The following SLC35F5 variants were observed in gnomAD, a reference collection of about 807,000 sequenced individuals.
SLC35F5 encodes the protein solute carrier family 35 member F5.
In SLC35F5, 54 loss-of-function variants were observed where a neutral mutation model predicts 68.6. That is an observed-to-expected ratio of 0.79 (90% CI 0.63 to 0.99). The LOEUF (loss-of-function observed/expected upper bound fraction) is 0.99. SLC35F5 is among the 50% of genes least tolerant of loss of function. The probability of loss-of-function intolerance (pLI) is 0.00; values close to 1 mark genes in which losing one functional copy is unlikely to be tolerated. For synonymous variants in SLC35F5, 211 were observed against 205.2 expected (o/e 1.03, Z -0.24); for missense variants, 567 against 626.9 (o/e 0.90, Z 1.02).
intron 13 of SLC35F5, among the ~76,000 whole-genome samples, chr2:113,722,388 T>TACACACAC (rs35537697): frequency 5.3e-5 from 8 of 150,796 alleles, no homozygotes; most frequent in Non-Finnish European, 1.2e-4. Flanking sequence ...CACACATACA[T>TACACACAC]ACACACACAC....
chr2:113,756,170 C>T (rs947144716), intron 1 of SLC35F5, 200 bp downstream of exon 1: 10 of 1,457,856 alleles, frequency 6.9e-6, no homozygotes, highest in African/African-American at 2.8e-5. Context: ...CGAGGGCGCA[C>T]GCACGGCTTC....
intron 11 of SLC35F5, among the ~76,000 whole-genome samples, chr2:113,728,118 T>C (rs961028175): frequency 1.3e-5 from 2 of 151,730 alleles, no homozygotes; most frequent in Non-Finnish European, 2.9e-5. Context: ...CAGCCTCTCA[T>C]GCAGCTGGGA....
intron 12 of SLC35F5, among the ~76,000 whole-genome samples, chr2:113,724,690 G>C (rs1230896807): frequency 6.6e-6 from 1 of 151,948 alleles, no homozygotes; most frequent in Non-Finnish European, 1.5e-5. Flanking sequence ...TATTCACTTA[G>C]GTTTTATTCA....
chr2:113,740,760 G>A (rs1160471949), intron 7 of SLC35F5, among the ~76,000 whole-genome samples: 1 of 152,114 alleles, frequency 6.6e-6, no homozygotes, highest in Non-Finnish European at 1.5e-5. Context: ...CTGAGTAGCT[G>A]AGACTACAGG....
chr2:113,734,822 A>G (rs1688025910), intron 8 of SLC35F5, 149 bp from the exon 9 acceptor site: 1 of 600,796 alleles, frequency 1.7e-6, no homozygotes, highest in African/African-American at 1.9e-5. Context: ...ACTGCAGTTA[A>G]GTAATGACTA....
intron 14 of SLC35F5, among the ~76,000 whole-genome samples, chr2:113,718,917 GAAAGAAAGAAAAAGAAAGGAAGA>G (rs1687304056): frequency 2.6e-5 from 2 of 75,482 alleles, no homozygotes; most frequent in Non-Finnish European, 7.0e-5. Flanking sequence ...AAGAAAGAAA[GAAAGAAAGAAAAAGAAAGGAAGA>G]AAGGAAGGAA....
intron 4 of SLC35F5, among the ~76,000 whole-genome samples, chr2:113,746,617 C>G (rs1275545596): frequency 6.6e-6 from 1 of 152,042 alleles, no homozygotes; most frequent in Non-Finnish European, 1.5e-5. Context: ...ATGCCCTTTT[C>G]GGAACACTAC....
chr2:113,755,683 C>A, intron 1 of SLC35F5, 139 bp from the exon 2 acceptor site: 2 of 1,051,160 alleles, frequency 1.9e-6, no homozygotes, highest in South Asian at 1.4e-5. Context: ...TACTTGCCAC[C>A]TTTCTCAGTA....
chr2:113,755,888 G>T, intron 1 of SLC35F5: 1 of 1,550,638 alleles, frequency 6.4e-7, no homozygotes. Flanking sequence ...CCTGGGGACA[G>T]CGTCTAGACA....
At chr2:113,726,564 G>C (rs1559330283) in intron 11 of SLC35F5, among the ~76,000 whole-genome samples, 1 of 152,022 alleles carries the variant, frequency 6.6e-6, no homozygotes, top group Non-Finnish European at 1.5e-5. Flanking sequence ...CAGTCATTAG[G>C]ATGCCTAGTT....
chr2:113,755,203 C>CA lies in SLC35F5; in HGVS notation c.234dup (p.Val79CysfsTer2). On this transcript the variant is annotated frameshift_variant, in exon 3 of 16. Coordinates refer to ENST00000245680, the MANE Select transcript of SLC35F5 (RefSeq NM_025181.5). LOFTEE classifies it high-confidence loss of function. ...GAGGAAGCAACCCATATCACATCAA[C>CA]AAGCAGAAGAATAACAATCCCAAGA... is the stretch of plus-strand genomic sequence containing the variant. 6.2e-7 allele frequency: 1 copy of CA among 1,614,026 alleles called. No individual in the cohort carries two copies. The highest frequency in any genetic ancestry group is 8.5e-7 in the Non-Finnish European group (1 of 1,180,014).
chr2:113,724,210 G>A lies in SLC35F5; in HGVS notation c.1251-1016C>T, dbSNP rs538620938. On this transcript the variant is annotated intron_variant, in intron 12 of 15. Transcript: ENST00000245680. ...GCATTCGGGGTCAAATACAGCATAT[G>A]TTCTTGGATGTTTATCATGCAGAGT... Among the ~76,000 whole-genome samples the A allele has an allele frequency of 3.9e-4, 60 of 152,304 alleles. 1 individual carries two copies. The highest frequency in any genetic ancestry group is 1.4e-3 in the African/African-American group (58 of 41,580).
At chr2:113,733,475 T>C in intron 9 of SLC35F5, 1 of 267,392 alleles carries the variant, frequency 3.7e-6, no homozygotes. Context: ...AAAACCTCAT[T>C]TACTTCTCCA....
chr2:113,716,435 A>G (rs1687187497), intron 15 of SLC35F5, among the ~76,000 whole-genome samples: 1 of 152,218 alleles, frequency 6.6e-6, no homozygotes, highest in Non-Finnish European at 1.5e-5. Context: ...TTTTTTAGTG[A>G]CAACAATATA....
downstream of SLC35F5, among the ~76,000 whole-genome samples, chr2:113,702,907 G>A (rs557678330): frequency 3.3e-5 from 5 of 152,176 alleles, no homozygotes; most frequent in South Asian, 2.1e-4. Context: ...CCAGGAGTTC[G>A]AGACCAGCCT....
intron 5 of SLC35F5, among the ~76,000 whole-genome samples, chr2:113,746,049 C>A (rs1676470187): frequency 6.6e-6 from 1 of 152,142 alleles, no homozygotes; most frequent in Non-Finnish European, 1.5e-5. Context: ...ACTCCTGAAC[C>A]AGTTTTCCCT....
intron 5 of SLC35F5, among the ~76,000 whole-genome samples, chr2:113,745,716 G>A (rs952729789): frequency 2.6e-5 from 4 of 151,914 alleles, no homozygotes; most frequent in Non-Finnish European, 5.9e-5. Flanking sequence ...ATGCCTGAGT[G>A]ATCATCTTAA....
chr2:113,738,937 C>T (rs1231524453), intron 7 of SLC35F5, among the ~76,000 whole-genome samples: 1 of 152,046 alleles, frequency 6.6e-6, no homozygotes, highest in African/African-American at 2.4e-5. Context: ...ATATAGTGGG[C>T]TAAATACAAA....
At chr2:113,726,646 AG>A (rs1341963419) in intron 11 of SLC35F5, among the ~76,000 whole-genome samples, 1 of 152,112 alleles carries the variant, frequency 6.6e-6, no homozygotes, top group African/African-American at 2.4e-5. Context: ...ACTTCTGTGA[AG>A]GGGGGCAAAT....
Sources: allele counts gnomAD v4.1 joint callset (sites outside exome capture counted in the v4.1 genomes callset), GRCh38; gene constraint gnomAD v4.1.1; transcripts MANE v1.5; gene names NCBI Gene and HGNC (gene_info 2026-07-23, HGNC 2026-07-21).